Variants in SLC44A5 observed in about 807,000 individuals in gnomAD.
The protein encoded by SLC44A5 is choline transporter-like protein 5.
SLC44A5 carries 57 observed loss-of-function variants against 101.8 expected under a neutral mutation model. That is an observed-to-expected ratio of 0.56 (90% CI 0.45 to 0.70). SLC44A5 has a LOEUF of 0.70. SLC44A5 is among the 30% of genes least tolerant of loss of function. SLC44A5 has a pLI of 0.00. For missense variants in SLC44A5, 737 were observed against 853.1 expected (o/e 0.86, Z 1.70); for synonymous variants, 281 against 290.9 (o/e 0.97, Z 0.35).
the SLC44A5 span, among the ~76,000 whole-genome samples, chr1:75,661,316 A>G: frequency 3.1e-3 from 472 of 150,642 alleles, 2 homozygotes; most frequent in Admixed American, 4.9e-3. Flanking sequence ...TATTTCTCAT[A>G]TATACAAAAA....
At chr1:75,359,173 T>C (rs1056680473) in intron 3 of SLC44A5, among the ~76,000 whole-genome samples, 1 of 149,094 alleles carries the variant, frequency 6.7e-6, no homozygotes, top group Non-Finnish European at 1.5e-5. Flanking sequence ...AATTTTCTTT[T>C]CTTTTTTTTT....
At chr1:75,558,586 A>C (rs2102001318) in intron 1 of SLC44A5, among the ~76,000 whole-genome samples, 1 of 152,252 alleles carries the variant, frequency 6.6e-6, no homozygotes, top group South Asian at 2.1e-4. Context: ...TTTAAGAAGA[A>C]AAAGTTTGAA....
intron 3 of SLC44A5, among the ~76,000 whole-genome samples, chr1:75,392,000 T>C (rs1393821628): frequency 1.3e-5 from 2 of 151,878 alleles, no homozygotes; most frequent in Non-Finnish European, 2.9e-5. Flanking sequence ...ACAAAAAGCA[T>C]AGAAATTAGC....
the SLC44A5 span, among the ~76,000 whole-genome samples, chr1:75,652,509 A>G: frequency 1.4e-4 from 22 of 152,280 alleles, no homozygotes; most frequent in African/African-American, 5.3e-4. Flanking sequence ...ATCCAGCTAC[A>G]AGCCAGGCAC....
intron 4 of SLC44A5, among the ~76,000 whole-genome samples, chr1:75,300,911 C>G (rs549303273): frequency 6.6e-6 from 1 of 152,196 alleles, no homozygotes; most frequent in East Asian, 1.9e-4. Flanking sequence ...CCTCAGAACT[C>G]TTAGTATTTG....
At chr1:75,673,887 G>A in the SLC44A5 span, among the ~76,000 whole-genome samples, 61 of 152,214 alleles carry the variant, frequency 4.0e-4, no homozygotes, top group African/African-American at 1.4e-3. Context: ...GATATGACCC[G>A]AGAGATTTTC....
chr1:75,612,334 A>G (rs1026832261), upstream of SLC44A5, among the ~76,000 whole-genome samples: 1 of 152,112 alleles, frequency 6.6e-6, no homozygotes, highest in African/African-American at 2.4e-5. Flanking sequence ...TTTATGACCA[A>G]AAAGGCCTGG....
At chr1:75,367,112 C>A (rs370128796) in intron 3 of SLC44A5, among the ~76,000 whole-genome samples, 11 of 152,172 alleles carry the variant, frequency 7.2e-5, no homozygotes, top group African/African-American at 2.2e-4. Context: ...ATCCAGGTAG[C>A]CTTGCATTGG....
intron 6 of SLC44A5, among the ~76,000 whole-genome samples, chr1:75,252,609 C>G (rs986422332): frequency 6.6e-6 from 1 of 152,314 alleles, no homozygotes; most frequent in South Asian, 2.1e-4. Context: ...AAGAGAATCT[C>G]TCATAGAGAC....
chr1:75,341,148 A>T (rs1657844590), intron 3 of SLC44A5, among the ~76,000 whole-genome samples: 1 of 152,208 alleles, frequency 6.6e-6, no homozygotes, highest in Non-Finnish European at 1.5e-5. Flanking sequence ...TGAGGATATG[A>T]AGAGGAATTT....
chr1:75,679,825 A>T, the SLC44A5 span, among the ~76,000 whole-genome samples: 2 of 152,086 alleles, frequency 1.3e-5, no homozygotes, highest in South Asian at 4.1e-4. Flanking sequence ...GGCAAATTGG[A>T]TAAAGAGTCA....
At chr1:75,473,704 T>C (rs1223971644) in intron 2 of SLC44A5, among the ~76,000 whole-genome samples, 1 of 152,218 alleles carries the variant, frequency 6.6e-6, no homozygotes, top group Non-Finnish European at 1.5e-5. Flanking sequence ...CAGCATCTTA[T>C]TTTACAAGTG....
intron 5 of SLC44A5, among the ~76,000 whole-genome samples, chr1:75,299,078 T>C (rs1654215292): frequency 6.6e-6 from 1 of 152,134 alleles, no homozygotes; most frequent in African/African-American, 2.4e-5. Flanking sequence ...ATTACACAGA[T>C]AAGAAAGATG....
At chr1:75,542,740 T>C (rs1042373667) in intron 1 of SLC44A5, among the ~76,000 whole-genome samples, 1 of 152,188 alleles carries the variant, frequency 6.6e-6, no homozygotes, top group Non-Finnish European at 1.5e-5. Context: ...ATTAAGCTTT[T>C]GACTCAAAGA....
At chr1:75,342,069 C>A (rs1420326610) in intron 3 of SLC44A5, among the ~76,000 whole-genome samples, 1 of 152,058 alleles carries the variant, frequency 6.6e-6, no homozygotes, top group Non-Finnish European at 1.5e-5. Flanking sequence ...AACAGACCAA[C>A]CTAATGGAGA....
the SLC44A5 span, among the ~76,000 whole-genome samples, chr1:75,657,714 A>G: frequency 3.3e-5 from 5 of 152,158 alleles, no homozygotes; most frequent in Non-Finnish European, 7.4e-5. Flanking sequence ...TCAATTCAGT[A>G]AGAAAATATA....
At chr1:75,594,682 CT>C (rs1674538045) in intron 1 of SLC44A5, among the ~76,000 whole-genome samples, 2 of 151,604 alleles carry the variant, frequency 1.3e-5, no homozygotes, top group Non-Finnish European at 3.0e-5. Flanking sequence ...TTTTCTCTGC[CT>C]TTTGAAAATT....
At chr1:75,494,841 G>T (rs943482653) in intron 2 of SLC44A5, among the ~76,000 whole-genome samples, 1 of 152,190 alleles carries the variant, frequency 6.6e-6, no homozygotes, top group African/African-American at 2.4e-5. Context: ...TCCATGAAGA[G>T]AAAAGGAATT....
intron 2 of SLC44A5, among the ~76,000 whole-genome samples, chr1:75,506,685 A>G (rs985743357): frequency 2.6e-5 from 4 of 151,900 alleles, no homozygotes; most frequent in Non-Finnish European, 4.4e-5. Context: ...TTTTACATTG[A>G]TTTTGTATGC....
Sources: gnomAD v4.1 joint callset for allele counts (sites outside exome capture counted in the v4.1 genomes callset) on GRCh38, gnomAD v4.1.1 for gene constraint, MANE v1.5 for transcripts, NCBI Gene and HGNC (gene_info 2026-07-23, HGNC 2026-07-21) for gene names.